Variants in DPP10 observed in about 807,000 individuals in gnomAD.
DPP10 encodes the protein dipeptidyl peptidase like 10.
In DPP10, 33 loss-of-function variants were observed where a neutral mutation model predicts 120.9. The ratio of observed to expected loss-of-function variants is 0.27; its 90% CI spans 0.21 to 0.37. The LOEUF (loss-of-function observed/expected upper bound fraction) is 0.37, where lower values mean the gene tolerates loss of function less well. Ranked by LOEUF, DPP10 falls within the 10% of genes least tolerant of loss-of-function variation. The pLI is 1.00. For synonymous variants in DPP10, 337 were observed against 326.1 expected (o/e 1.03, Z -0.36); for missense variants, 816 against 942.8 (o/e 0.87, Z 1.76).
intron 1 of DPP10, among the ~76,000 whole-genome samples, chr2:114,532,496 G>C (rs989285858): frequency 2.0e-5 from 3 of 151,398 alleles, no homozygotes; most frequent in Admixed American, 6.6e-5. Context: ...CACTACCCAG[G>C]TAAAGAATTA....
intron 1 of DPP10, among the ~76,000 whole-genome samples, chr2:114,710,739 C>T (rs940547048): frequency 2.0e-5 from 3 of 151,650 alleles, no homozygotes; most frequent in African/African-American, 4.8e-5. Flanking sequence ...AGCAAGACTC[C>T]GTCTAAAAAA....
chr2:115,011,459 G>A (rs751349029), intron 1 of DPP10, among the ~76,000 whole-genome samples: 1 of 151,940 alleles, frequency 6.6e-6, no homozygotes, highest in Non-Finnish European at 1.5e-5. Flanking sequence ...TAATTTTTAG[G>A]CACATAAGCA....
intron 1 of DPP10, among the ~76,000 whole-genome samples, chr2:115,092,094 T>G (rs1039186206): frequency 3.9e-5 from 6 of 152,176 alleles, no homozygotes; most frequent in Non-Finnish European, 8.8e-5. Flanking sequence ...TTTTCTTAAG[T>G]AAAGAATTTT....
At chr2:114,674,532 T>A (rs2105660601) in intron 1 of DPP10, among the ~76,000 whole-genome samples, 1 of 152,304 alleles carries the variant, frequency 6.6e-6, no homozygotes, top group East Asian at 1.9e-4. Flanking sequence ...AACCTCTTTT[T>A]AAATAAACAA....
intron 1 of DPP10, among the ~76,000 whole-genome samples, chr2:115,281,630 T>A (rs1026928741): frequency 6.6e-6 from 1 of 152,192 alleles, no homozygotes; most frequent in African/African-American, 2.4e-5. Flanking sequence ...TTCTCATTGC[T>A]ATTGATATTG....
chr2:115,153,685 C>G (rs2051713222), intron 1 of DPP10, among the ~76,000 whole-genome samples: 1 of 152,082 alleles, frequency 6.6e-6, no homozygotes, highest in South Asian at 2.1e-4. Context: ...GTATGCCAAG[C>G]CTGATTTTAC....
At chr2:114,462,972 C>A (rs558311708) in intron 1 of DPP10, among the ~76,000 whole-genome samples, 2 of 152,164 alleles carry the variant, frequency 1.3e-5, no homozygotes, top group African/African-American at 4.8e-5. Context: ...CTTTCTGATA[C>A]CATCATAAGC....
chr2:114,554,198 T>C (rs1156999911), intron 1 of DPP10, among the ~76,000 whole-genome samples: 2 of 152,192 alleles, frequency 1.3e-5, no homozygotes, highest in South Asian at 4.1e-4. Context: ...CCCCAGCCCC[T>C]AGTAACCATC....
intron 3 of DPP10, among the ~76,000 whole-genome samples, chr2:115,351,124 T>C (rs980284781): frequency 6.6e-6 from 1 of 152,026 alleles, no homozygotes; most frequent in African/African-American, 2.4e-5. Flanking sequence ...TCAACCTAGG[T>C]GCCCCAAAAT....
At chr2:115,766,376 C>T (rs1178398779) in intron 12 of DPP10, among the ~76,000 whole-genome samples, 3 of 139,760 alleles carry the variant, frequency 2.1e-5, no homozygotes, top group Non-Finnish European at 4.6e-5. Flanking sequence ...ACCAGATTTA[C>T]CCCCACCATT....
chr2:115,347,022 C>T (rs545562185), intron 3 of DPP10, among the ~76,000 whole-genome samples: 3 of 152,276 alleles, frequency 2.0e-5, no homozygotes, highest in African/African-American at 7.2e-5. Context: ...AAGCCTTCCT[C>T]ACCCATCATA....
intron 1 of DPP10, among the ~76,000 whole-genome samples, chr2:115,157,925 G>A (rs914553660): frequency 4.6e-5 from 7 of 152,196 alleles, no homozygotes; most frequent in African/African-American, 1.7e-4. Context: ...TCAGGAAGGG[G>A]AGCAAAGAGA....
chr2:114,757,854 G>A (rs1424668782), intron 1 of DPP10, among the ~76,000 whole-genome samples: 1 of 152,068 alleles, frequency 6.6e-6, no homozygotes, highest in Non-Finnish European at 1.5e-5. Context: ...GATAAAAGTC[G>A]ACTTACTTTG....
chr2:115,781,016 T>G lies in DPP10; in HGVS notation c.1483+21T>G, dbSNP rs141426328. On this transcript the variant is annotated intron_variant, in intron 16 of 25. Coordinates refer to ENST00000410059, the MANE Select transcript of DPP10 (RefSeq NM_020868.6). ...TGAAGGTAAGATAATACATGAATTC[T>G]GATATAATATATTTTATTCATTGTA... The G allele has an allele frequency of 2.5e-4, 378 of 1,536,584 alleles. 1 individual carries two copies. Among genetic ancestry groups the G allele is most frequent in the Non-Finnish European group, 3.1e-4 (344 of 1,126,832 alleles).
At position 115,534,331 on chromosome 2, in the gene DPP10, A is replaced by G. The variant is rs552633622; in HGVS notation, c.441+8359A>G. Among the ~76,000 whole-genome samples, 135 of 151,780 alleles carry G rather than the reference A, an allele frequency of 8.9e-4. 1 individual carries two copies. The highest frequency in any genetic ancestry group is 1.9e-3 in the Admixed American group (29 of 15,196). The stretch of plus-strand genomic sequence containing the variant: ...TGTGTCCATGTGATCTCATTGTTCA[A>G]TTCCCACCTATGAGTGAGAATATGC... On this transcript the variant is annotated intron_variant, in intron 5 of 25. Coordinates refer to ENST00000410059, the MANE Select transcript of DPP10 (RefSeq NM_020868.6).
intron 3 of DPP10, among the ~76,000 whole-genome samples, chr2:115,375,207 A>G (rs145603263): frequency 2.6e-5 from 4 of 152,216 alleles, no homozygotes; most frequent in Non-Finnish European, 5.9e-5. Context: ...TCCAGGTCAC[A>G]TCTTGAACGA....
intron 21 of DPP10, among the ~76,000 whole-genome samples, chr2:115,827,380 G>A (rs1688445651): frequency 8.6e-6 from 1 of 116,356 alleles, no homozygotes; most frequent in Non-Finnish European, 1.7e-5. Context: ...TATATCAGAG[G>A]AGGGCAACTG....
chr2:114,831,995 T>A (rs1687176577), intron 1 of DPP10, among the ~76,000 whole-genome samples: 1 of 151,032 alleles, frequency 6.6e-6, no homozygotes, highest in South Asian at 2.1e-4. Flanking sequence ...AATATTTTAA[T>A]TAAGAACAAT....
chr2:114,999,346 C>T (rs1211409710), intron 1 of DPP10, among the ~76,000 whole-genome samples: 2 of 152,138 alleles, frequency 1.3e-5, no homozygotes, highest in Non-Finnish European at 2.9e-5. Context: ...AAGAGTCCCA[C>T]TGAGTTTTTC....
Sources: gnomAD v4.1 joint callset for allele counts (sites outside exome capture counted in the v4.1 genomes callset) on GRCh38, gnomAD v4.1.1 for gene constraint, MANE v1.5 for transcripts, NCBI Gene and HGNC (gene_info 2026-07-23, HGNC 2026-07-21) for gene names.